The following SELENOP variants were observed in gnomAD, a reference collection of about 807,000 sequenced individuals.
SELENOP encodes the protein selenoprotein P, also known as selenoprotein P, plasma, 1.
SELENOP carries 36 observed loss-of-function variants against 41.0 expected under a neutral mutation model. The observed-to-expected ratio is 0.88, with a 90% CI of 0.67 to 1.16. The LOEUF (loss-of-function observed/expected upper bound fraction) is 1.16, where lower values mean the gene tolerates loss of function less well. Among genes scored for constraint, SELENOP ranks in the 50% most tolerant of loss-of-function variants. The probability of loss-of-function intolerance (pLI) is 0.00; values close to 1 mark genes in which losing one functional copy is unlikely to be tolerated. For synonymous variants in SELENOP, 144 were observed against 150.8 expected, an observed-to-expected ratio of 0.95 and a Z score of 0.33; for missense variants, 440 against 454.2, an observed-to-expected ratio of 0.97 and a Z score of 0.28.
rs561932571 is a variant in SELENOP, at chr5:42,801,646, G to A, written c.535-315C>T. 4.9e-5 allele frequency: 18 copies of A among 364,418 alleles called. No homozygotes were observed. In the East Asian group the frequency reaches 7.6e-4, roughly 15 times the overall value. 22.6% of individuals were successfully genotyped at this position (364,418 alleles called of 1,614,324 possible). ...ATTCAGTTGATCTGGGCCGAGCATGGTGGCTCATGCCTGTAATCCCACCAC... is the reference window on the plus strand; with the variant it reads ...ATTCAGTTGATCTGGGCCGAGCATGATGGCTCATGCCTGTAATCCCACCAC... On this transcript the variant is annotated intron_variant, in intron 4 of 4. Coordinates refer to ENST00000514985, the MANE Select transcript of SELENOP (RefSeq NM_005410.4).
chr5:42,809,726 T>A (rs1760419588), intron 1 of SELENOP: 1 of 782,792 alleles, frequency 1.3e-6, no homozygotes, highest in Non-Finnish European at 1.5e-6. Context: ...ACCCTGATTG[T>A]CTTTCACATT....
In SELENOP at chr5:42,800,561, T is replaced by A. The variant is rs1221637953; in HGVS notation, c.*159A>T. 4 of 834,092 alleles carry A rather than the reference T, an allele frequency of 4.8e-6. No individual in the cohort carries two copies. The African/African-American group carries it at 6.9e-5, about 14-fold the overall frequency. The allele number at this position is 834,092 out of a possible 1,614,324, so 51.7% of individuals were successfully genotyped here. A position where few individuals can be genotyped will look rare whatever the true frequency, so the allele number is the denominator to read the frequency against. On this transcript the variant is annotated 3_prime_UTR_variant, in exon 5 of 5. Transcript: ENST00000514985. ...AATATGGTTTGAGTCAATATTTCTA[T>A]GACATAAAATTTAAAATCTGGAAGC...
At chr5:42,804,815 G>A (rs1329071302) in intron 3 of SELENOP, 42 bp from the exon 4 acceptor site, 3 of 1,247,040 alleles carry the variant, frequency 2.4e-6, no homozygotes, top group African/African-American at 1.5e-5. Context: ...AATATTTTCT[G>A]TATCACGATC....
chr5:42,808,114 C>T, intron 2 of SELENOP, 37 bp downstream of exon 2: 2 of 1,146,554 alleles, frequency 1.7e-6, no homozygotes, highest in Non-Finnish European at 1.2e-6. Context: ...ATAGCCTTCC[C>T]CTTAAGGTAT....
intron 4 of SELENOP, among the ~76,000 whole-genome samples, chr5:42,804,447 AC>A (rs1229800666): frequency 6.6e-6 from 1 of 151,964 alleles, no homozygotes; most frequent in African/African-American, 2.4e-5. Flanking sequence ...GGCGACAGAG[AC>A]AGACTCCGTC....
intron 4 of SELENOP, among the ~76,000 whole-genome samples, chr5:42,802,855 C>T (rs1760242760): frequency 6.6e-6 from 1 of 152,204 alleles, no homozygotes; most frequent in Non-Finnish European, 1.5e-5. Flanking sequence ...GTGATTCATC[C>T]ACCTCGGCCT....
At chr5:42,811,304 G>C (rs1760453329) in intron 1 of SELENOP, among the ~76,000 whole-genome samples, 1 of 152,158 alleles carries the variant, frequency 6.6e-6, no homozygotes, top group South Asian at 2.1e-4. Context: ...GTTGACATGG[G>C]TTTTAGCTTC....
chr5:42,810,069 A>T (rs547745511), intron 1 of SELENOP, among the ~76,000 whole-genome samples: 1 of 152,328 alleles, frequency 6.6e-6, no homozygotes, highest in African/African-American at 2.4e-5. Context: ...TAAAACAATT[A>T]TGTGACCATT....
In SELENOP at chr5:42,800,488, C is replaced by T. The variant is rs751291278; in HGVS notation, c.*232G>A. On this transcript the variant is annotated 3_prime_UTR_variant, in exon 5 of 5. Transcript: ENST00000514985. The stretch of plus-strand genomic sequence containing the variant: ...AACACTGGAAAAAGAAAAAAAAAGA[C>T]ATATTAACCAAAAGCTGCAATCACC... The T allele has an allele frequency of 6.7e-6, 3 of 446,482 alleles. No individual in the cohort carries two copies. Among genetic ancestry groups the T allele is most frequent in the Non-Finnish European group, 1.2e-5 (3 of 258,452 alleles). 27.7% of individuals were successfully genotyped at this position (446,482 alleles called of 1,614,324 possible).
intron 4 of SELENOP, among the ~76,000 whole-genome samples, chr5:42,802,898 C>T (rs983918312): frequency 3.3e-5 from 5 of 152,176 alleles, no homozygotes; most frequent in Non-Finnish European, 5.9e-5. Flanking sequence ...CGTGGGCCAC[C>T]GCACCCTGCC....
chr5:42,804,629 CCCCAGAAAAATAA>C lies in SELENOP; in HGVS notation c.534+14_534+26del. 1 of 1,306,110 alleles carries C rather than the reference CCCCAGAAAAATAA, an allele frequency of 7.7e-7. No homozygotes were observed. Among genetic ancestry groups the C allele is most frequent in the South Asian group, 1.3e-5 (1 of 77,674 alleles). The allele number at this position is 1,306,110 out of a possible 1,614,324, so 80.9% of individuals were successfully genotyped here. On this transcript the variant is annotated intron_variant, in intron 4 of 4. Transcript: ENST00000514985. ...ACTCTTAAAAGATTTCCTCTTTTCT[CCCCAGAAAAATAA>C]TTCAGAAAAATACCGTGAGAGAGCA...
At chr5:42,806,205 T>C (rs1760326040) in intron 3 of SELENOP, 1 of 152,250 alleles carries the variant, frequency 6.6e-6, no homozygotes, top group Non-Finnish European at 1.5e-5. Context: ...GTTTTTGTGA[T>C]GTCCTGCAAA....
intron 4 of SELENOP, 68 bp downstream of exon 4, chr5:42,804,588 A>G: frequency 1.2e-6 from 1 of 833,034 alleles, no homozygotes; most frequent in South Asian, 1.8e-5. Flanking sequence ...TTTTCTAAAT[A>G]AGTGTTTCAT....
At chr5:42,805,688 T>C (rs1760316410) in intron 3 of SELENOP, 1 of 152,172 alleles carries the variant, frequency 6.6e-6, no homozygotes, top group South Asian at 2.1e-4. Flanking sequence ...AATTAGAAGA[T>C]ATGGTTATTC....
chr5:42,804,983 C>A (rs1264702406), intron 3 of SELENOP: 2 of 349,270 alleles, frequency 5.7e-6, no homozygotes, highest in Non-Finnish European at 1.0e-5. Context: ...TAGTCTAATA[C>A]TAGTATTTTG....
At chr5:42,802,768 G>A (rs1161041888) in intron 4 of SELENOP, among the ~76,000 whole-genome samples, 1 of 152,020 alleles carries the variant, frequency 6.6e-6, no homozygotes, top group Non-Finnish European at 1.5e-5. Flanking sequence ...GTGCCACCAC[G>A]CCCAGCTAAT....
chr5:42,802,255 A>G (rs1048325152), intron 4 of SELENOP: 1 of 152,168 alleles, frequency 6.6e-6, no homozygotes, highest in Non-Finnish European at 1.5e-5. Flanking sequence ...GTTTTGTGGT[A>G]CCTACTAATC....
At chr5:42,804,416 G>C (rs975004817) in intron 4 of SELENOP, among the ~76,000 whole-genome samples, 2 of 152,132 alleles carry the variant, frequency 1.3e-5, no homozygotes, top group Non-Finnish European at 1.5e-5. Context: ...AGCCGAGATC[G>C]CGCCACTGCA....
At chr5:42,802,050 A>C (rs1372283342) in intron 4 of SELENOP, 1 of 152,236 alleles carries the variant, frequency 6.6e-6, no homozygotes, top group Non-Finnish European at 1.5e-5. Flanking sequence ...AAATGCTAAT[A>C]AACTCTGCTC....
Sources: gnomAD v4.1 joint callset for allele counts (sites outside exome capture counted in the v4.1 genomes callset) on GRCh38, gnomAD v4.1.1 for gene constraint, MANE v1.5 for transcripts, NCBI Gene and HGNC (gene_info 2026-07-23, HGNC 2026-07-21) for gene names.